ADGRV1: variants seen among roughly 807,000 people sequenced by gnomAD.
The protein encoded by ADGRV1 is G-protein coupled receptor 98.
Under a neutral mutation model 596.2 loss-of-function variants are expected in ADGRV1, and 359 were observed. That is an observed-to-expected ratio of 0.60 (90% CI 0.55 to 0.66). The LOEUF is 0.66. Ranked by LOEUF, ADGRV1 falls within the 30% of genes least tolerant of loss-of-function variation. The probability of loss-of-function intolerance (pLI) is 0.00; values close to 1 mark genes in which losing one functional copy is unlikely to be tolerated. For synonymous variants in ADGRV1, 2,681 were observed against 2,679.2 expected, an observed-to-expected ratio of 1.00 and a Z score of -0.02; for missense variants, 7,274 against 7,575.6, an observed-to-expected ratio of 0.96 and a Z score of 1.48.
intron 84 of ADGRV1, among the ~76,000 whole-genome samples, chr5:90,965,893 C>G (rs545965609): frequency 7.2e-5 from 11 of 152,058 alleles, no homozygotes; most frequent in Non-Finnish European, 1.3e-4. Context: ...GAAAGATCTC[C>G]CTGTTTGTAG....
At chr5:90,964,091 T>C (rs1436161974) in intron 83 of ADGRV1, among the ~76,000 whole-genome samples, 1 of 151,914 alleles carries the variant, frequency 6.6e-6, no homozygotes, top group African/African-American at 2.4e-5. Context: ...TACACTTGAG[T>C]AGAAATTTTC....
At chr5:91,061,159 C>A (rs980340040) in intron 85 of ADGRV1, among the ~76,000 whole-genome samples, 1 of 152,162 alleles carries the variant, frequency 6.6e-6, no homozygotes, top group African/African-American at 2.4e-5. Context: ...TACTCTAGGA[C>A]AACGATATTT....
chr5:91,106,345 C>A (rs1162830573), intron 87 of ADGRV1, among the ~76,000 whole-genome samples: 1 of 152,114 alleles, frequency 6.6e-6, no homozygotes, highest in African/African-American at 2.4e-5. Context: ...TATGCCAATA[C>A]CATGCTGTTT....
At chr5:90,637,525 A>G (rs1766369099) in intron 10 of ADGRV1, among the ~76,000 whole-genome samples, 200 bp from the exon 11 acceptor site, 1 of 152,222 alleles carries the variant, frequency 6.6e-6, no homozygotes, top group Admixed American at 6.5e-5. Flanking sequence ...AGCAAAAATT[A>G]ATAAAAATAT....
At chr5:90,658,318 A>G (rs370482872) in intron 21 of ADGRV1, 40 bp downstream of exon 21, 3 of 1,467,008 alleles carry the variant, frequency 2.0e-6, no homozygotes, top group Non-Finnish European at 2.7e-6. Context: ...TTAAAAATTC[A>G]TTGTAGGTGG....
At chr5:90,717,323 A>G (rs1196747569) in intron 43 of ADGRV1, 1 of 151,758 alleles carries the variant, frequency 6.6e-6, no homozygotes, top group African/African-American at 2.4e-5. Context: ...GCACACCAAC[A>G]TGGCACATGT....
chr5:90,654,300 A>G lies in ADGRV1; in HGVS notation c.4378+348A>G, dbSNP rs143846911. 5 of 299,956 alleles carry G rather than the reference A, an allele frequency of 1.7e-5. No homozygotes were observed. In the East Asian group the frequency reaches 4.2e-4, roughly 25 times the overall value. 18.6% of individuals were successfully genotyped at this position (299,956 alleles called of 1,614,324 possible). A position where few individuals can be genotyped will look rare whatever the true frequency, so the allele number is the denominator to read the frequency against. ...GAGAGATGGGGAGTGATATTCCTGC[A>G]GAGGAATGAACAAAGGAATAGAAAT... On this transcript the variant is annotated intron_variant, in intron 20 of 89. Coordinates refer to ENST00000405460, the MANE Select transcript of ADGRV1 (RefSeq NM_032119.4).
intron 87 of ADGRV1, among the ~76,000 whole-genome samples, chr5:91,108,893 A>G (rs1246740811): frequency 1.3e-5 from 2 of 152,094 alleles, no homozygotes; most frequent in African/African-American, 4.8e-5. Context: ...CACTATGTGT[A>G]GCCTGATTTT....
chr5:90,704,468 T>A lies in ADGRV1; in HGVS notation c.8366T>A (p.Leu2789Gln). The change falls in exon 36 of 90, where the codon CTG becomes CAG. Residue 2789 changes from leucine (L) to glutamine (Q), a missense_variant. Leu to Gln is a moderately radical substitution (Grantham distance 113). This residue lies in a region of ADGRV1 where 3,643 missense variants were observed against 3,809.2 expected (regional missense o/e 0.96). Transcript: ENST00000405460. ...PEEKEVYQVI[L>Q]YDVRTQGVPP... ...GAGAAAGAAGTATACCAAGTCATTC[T>A]GTATGATGTCAGGACACAAGGTAAT... 1 of 1,566,628 alleles carries A rather than the reference T, an allele frequency of 6.4e-7. No individual in the cohort carries two copies. Among genetic ancestry groups the A allele is most frequent in the Non-Finnish European group, 8.7e-7 (1 of 1,150,932 alleles).
chr5:90,614,337 T>C, intron 1 of ADGRV1: 1 of 284,210 alleles, frequency 3.5e-6, no homozygotes, highest in Non-Finnish European at 7.0e-6. Context: ...TTGCAATAAC[T>C]AAGAATTTAA....
chr5:90,859,660 C>G (rs1767356858), intron 82 of ADGRV1, among the ~76,000 whole-genome samples: 1 of 152,138 alleles, frequency 6.6e-6, no homozygotes, highest in Non-Finnish European at 1.5e-5. Context: ...TAACACAACA[C>G]TCTCCAATAG....
At chr5:90,973,888 A>G (rs1213157011) in intron 84 of ADGRV1, among the ~76,000 whole-genome samples, 4 of 152,326 alleles carry the variant, frequency 2.6e-5, no homozygotes, top group South Asian at 4.1e-4. Flanking sequence ...AGGGTATTCA[A>G]TTAGGAAAAG....
chr5:90,975,038 A>G (rs1779428980), intron 84 of ADGRV1, among the ~76,000 whole-genome samples: 1 of 152,184 alleles, frequency 6.6e-6, no homozygotes, highest in African/African-American at 2.4e-5. Flanking sequence ...AAAGTGGGCG[A>G]AGGATATGAA....
chr5:90,797,267 T>C (rs1256317429), intron 70 of ADGRV1, among the ~76,000 whole-genome samples: 1 of 139,484 alleles, frequency 7.2e-6, no homozygotes, highest in African/African-American at 2.8e-5. Flanking sequence ...TGGAGGAATA[T>C]TTACCAAGCA....
chr5:90,874,120 A>C (rs2366935), intron 83 of ADGRV1, among the ~76,000 whole-genome samples: 14,000 of 152,150 alleles, frequency 0.092, 673 homozygotes, highest in East Asian at 0.17. Context: ...CTCCCTCAGG[A>C]TCAGTCTCTG....
chr5:90,621,690 G>A (rs371051227), intron 4 of ADGRV1, among the ~76,000 whole-genome samples: 64 of 152,184 alleles, frequency 4.2e-4, no homozygotes, highest in African/African-American at 1.4e-3. Flanking sequence ...TCCCTGACTG[G>A]TGGGGGTCTC....
intron 85 of ADGRV1, among the ~76,000 whole-genome samples, chr5:90,986,668 T>A (rs575568976): frequency 3.2e-4 from 45 of 141,030 alleles, no homozygotes; most frequent in Non-Finnish European, 5.2e-4. Context: ...ACTGATTATT[T>A]TATATTATAA....
At chr5:91,162,551 A>C (rs1797044819) in intron 89 of ADGRV1, among the ~76,000 whole-genome samples, 1 of 152,192 alleles carries the variant, frequency 6.6e-6, no homozygotes, top group African/African-American at 2.4e-5. Context: ...GGCCTCCAGA[A>C]ATGAGGCAGC....
intron 42 of ADGRV1, among the ~76,000 whole-genome samples, chr5:90,715,768 T>G (rs1398588658): frequency 1.3e-5 from 2 of 152,158 alleles, no homozygotes; most frequent in African/African-American, 4.8e-5. Context: ...TCCCAGCTTG[T>G]AAACTTCTTC....
Sources: allele counts gnomAD v4.1 joint callset (sites outside exome capture counted in the v4.1 genomes callset), GRCh38; gene constraint gnomAD v4.1.1; regional missense constraint gnomAD v4.1.1; transcripts MANE v1.5; gene names NCBI Gene and HGNC (gene_info 2026-07-23, HGNC 2026-07-21).